PACRG: variants seen among roughly 807,000 people sequenced by gnomAD.
PACRG encodes the protein parkin coregulated gene protein.
Under a neutral mutation model 29.7 loss-of-function variants are expected in PACRG, and 29 were observed. That is an observed-to-expected ratio of 0.98 (90% CI 0.73 to 1.33). PACRG has a LOEUF of 1.33. Among genes scored for constraint, PACRG ranks in the 40% most tolerant of loss-of-function variants. The probability of loss-of-function intolerance (pLI) is 0.00; values close to 1 mark genes in which losing one functional copy is unlikely to be tolerated. For synonymous variants in PACRG, 116 were observed against 118.7 expected, an observed-to-expected ratio of 0.98 and a Z score of 0.15; for missense variants, 279 against 316.2, an observed-to-expected ratio of 0.88 and a Z score of 0.89.
chr6:163,087,999 T>C (rs1024141037), intron 3 of PACRG, among the ~76,000 whole-genome samples: 3 of 152,174 alleles, frequency 2.0e-5, no homozygotes, highest in Non-Finnish European at 4.4e-5. Context: ...GGCTTTGACC[T>C]GGAGTGACTG....
At chr6:163,058,819 G>C (rs904265798) in intron 2 of PACRG, among the ~76,000 whole-genome samples, 1 of 152,238 alleles carries the variant, frequency 6.6e-6, no homozygotes, top group African/African-American at 2.4e-5. Flanking sequence ...AGAATCGCGT[G>C]AACCCGGGAG....
At chr6:163,250,721 T>C (rs1362960584) in intron 4 of PACRG, among the ~76,000 whole-genome samples, 9 of 152,212 alleles carry the variant, frequency 5.9e-5, no homozygotes, top group Non-Finnish European at 1.2e-4. Context: ...CAAGCATGTT[T>C]ATAGCAGCAC....
At chr6:163,088,203 A>G (rs1490333862) in intron 3 of PACRG, among the ~76,000 whole-genome samples, 1 of 152,162 alleles carries the variant, frequency 6.6e-6, no homozygotes, top group Non-Finnish European at 1.5e-5. Context: ...ATTTCTTTTT[A>G]TAGCCTGGGT....
intron 4 of PACRG, among the ~76,000 whole-genome samples, chr6:163,295,885 G>T (rs532298283): frequency 1.3e-3 from 203 of 152,240 alleles, no homozygotes; most frequent in African/African-American, 4.8e-3. Flanking sequence ...AAAACTCCTA[G>T]CCTGATGCCT....
At chr6:163,038,202 C>G (rs1003931241) in intron 2 of PACRG, among the ~76,000 whole-genome samples, 1 of 152,076 alleles carries the variant, frequency 6.6e-6, no homozygotes, top group African/African-American at 2.4e-5. Context: ...TACACCTTAA[C>G]CACTATTATG....
chr6:163,027,804 C>T (rs1408709), intron 2 of PACRG, among the ~76,000 whole-genome samples: 22,077 of 152,192 alleles, frequency 0.15, 1,719 homozygotes, highest in East Asian at 0.26. Context: ...GGGTGCAGCT[C>T]CTTCATCTGC....
At chr6:162,971,486 C>T (rs1005239562) in intron 2 of PACRG, among the ~76,000 whole-genome samples, 1 of 152,116 alleles carries the variant, frequency 6.6e-6, no homozygotes, top group Non-Finnish European at 1.5e-5. Context: ...AGTGTCTGAA[C>T]ACAAAGAATT....
chr6:163,185,822 A>T (rs954628806), intron 4 of PACRG, among the ~76,000 whole-genome samples: 1 of 152,126 alleles, frequency 6.6e-6, no homozygotes, highest in East Asian at 1.9e-4. Flanking sequence ...TCATGGGTCC[A>T]GTAGGGATGC....
intron 2 of PACRG, among the ~76,000 whole-genome samples, chr6:162,913,080 CTTAT>C (rs1415201715): frequency 6.6e-6 from 1 of 152,102 alleles, no homozygotes; most frequent in Admixed American, 6.5e-5. Flanking sequence ...AGCCTTTAGG[CTTAT>C]TTGTGTGTTC....
chr6:163,202,377 GT>G (rs1780738047), intron 4 of PACRG, among the ~76,000 whole-genome samples: 1 of 152,060 alleles, frequency 6.6e-6, no homozygotes, highest in South Asian at 2.1e-4. Context: ...GTTTGTATGT[GT>G]TTATGTGCAT....
At chr6:163,283,571 C>T (rs922916418) in intron 4 of PACRG, among the ~76,000 whole-genome samples, 5 of 151,764 alleles carry the variant, frequency 3.3e-5, no homozygotes, top group South Asian at 2.1e-4. Flanking sequence ...GAGGCCGAGG[C>T]GGGTGGATCA....
Position 163,222,947 on chromosome 6 carries a change from G to A in PACRG, c.614-91880G>A, listed in dbSNP as rs751085232. On this transcript the variant is annotated intron_variant, in intron 4 of 4. Transcript: ENST00000366888. ...CGTAGAGAAAGTTAATGATTATGTA[G>A]CTCAAAAAGGAAAAGTAAATGAGAC... 2.0e-4 allele frequency among the ~76,000 whole-genome samples: 31 copies of A among 152,250 alleles called. No individual in the cohort carries two copies. The Middle Eastern group carries it at 0.01, about 51-fold the overall frequency.
intron 2 of PACRG, among the ~76,000 whole-genome samples, chr6:162,980,169 C>G (rs1802286059): frequency 8.3e-6 from 1 of 120,426 alleles, no homozygotes; most frequent in African/African-American, 3.2e-5. Flanking sequence ...GAAACACACA[C>G]ATACACACAC....
At chr6:163,121,129 A>G (rs2128324572) in intron 4 of PACRG, among the ~76,000 whole-genome samples, 1 of 152,354 alleles carries the variant, frequency 6.6e-6, no homozygotes, top group Middle Eastern at 3.4e-3. Flanking sequence ...TGAATGCCTG[A>G]AATATGGTTT....
intron 4 of PACRG, among the ~76,000 whole-genome samples, chr6:163,197,812 G>C (rs911380526): frequency 3.3e-5 from 5 of 152,040 alleles, no homozygotes; most frequent in African/African-American, 1.2e-4. Flanking sequence ...AATTGACAAG[G>C]GAGCAATTCA....
At chr6:163,126,882 A>G (rs1359114354) in intron 4 of PACRG, among the ~76,000 whole-genome samples, 5 of 152,226 alleles carry the variant, frequency 3.3e-5, no homozygotes, top group Non-Finnish European at 7.3e-5. Context: ...AGGGGAGTCT[A>G]TCCAGGCACC....
chr6:162,875,073 TCA>T (rs1374135749), intron 2 of PACRG, among the ~76,000 whole-genome samples: 1 of 151,948 alleles, frequency 6.6e-6, no homozygotes, highest in East Asian at 1.9e-4. Flanking sequence ...ATTCACACCC[TCA>T]CACATTCATT....
chr6:162,949,000 C>T (rs893901910), intron 2 of PACRG, among the ~76,000 whole-genome samples: 5 of 151,962 alleles, frequency 3.3e-5, no homozygotes, highest in East Asian at 1.9e-4. Flanking sequence ...TTTTACTACT[C>T]GGTGTTTATC....
intron 4 of PACRG, among the ~76,000 whole-genome samples, chr6:163,274,236 T>C (rs564378094): frequency 5.3e-5 from 8 of 152,290 alleles, no homozygotes; most frequent in African/African-American, 1.4e-4. Flanking sequence ...TGTGTCCAAA[T>C]GTTCTCATTG....
Sources: allele counts gnomAD v4.1 joint callset (sites outside exome capture counted in the v4.1 genomes callset), GRCh38; gene constraint gnomAD v4.1.1; transcripts MANE v1.5; gene names NCBI Gene and HGNC (gene_info 2026-07-23, HGNC 2026-07-21).